The following NBPF3 variants were observed in gnomAD, a reference collection of about 807,000 sequenced individuals.
The protein encoded by NBPF3 is NBPF family member NBPF3.
NBPF3 carries 57 observed loss-of-function variants against 78.1 expected under a neutral mutation model. That is an observed-to-expected ratio of 0.73 (90% CI 0.59 to 0.91). NBPF3 has a LOEUF of 0.91. Ranked by LOEUF, NBPF3 falls within the 40% of genes least tolerant of loss-of-function variation. The pLI is 0.00. For missense variants in NBPF3, 510 were observed against 715.3 expected, an observed-to-expected ratio of 0.71 and a Z score of 3.27; for synonymous variants, 182 against 271.7, an observed-to-expected ratio of 0.67 and a Z score of 3.25.
At chr1:21,472,774 A>G in intron 5 of NBPF3, 69 bp from the exon 6 acceptor site, 1 of 1,078,282 alleles carries the variant, frequency 9.3e-7, no homozygotes. Context: ...GTCTGTGTGC[A>G]CATTCGGCTG....
In NBPF3 at chr1:21,473,452, T is replaced by C. The variant is rs774157133; in HGVS notation, c.807T>C (p.Asn269=). The change falls in exon 7 of 15, where the codon AAT becomes AAC. Residue 269 remains asparagine, a synonymous_variant. Coordinates refer to ENST00000318249, the MANE Select transcript of NBPF3 (RefSeq NM_032264.6). ...AGGAGTGTGCCATCACTTGTTCAAA[T>C]AGCCACCACCCTTGTGAGTCCAACC... ...SLEECAITCS[N]SHHPCESNQP... 6.2e-7 allele frequency: 1 copy of C among 1,614,188 alleles called. No homozygotes were observed. Among genetic ancestry groups the C allele is most frequent in the Admixed American group, 1.7e-5 (1 of 60,026 alleles).
chr1:21,470,859 T>C, intron 4 of NBPF3, 125 bp downstream of exon 4: 1 of 586,838 alleles, frequency 1.7e-6, no homozygotes, highest in Non-Finnish European at 3.2e-6. Flanking sequence ...CATGGCAGGC[T>C]CACGACACAC....
chr1:21,477,034 A>G (rs1397662396), intron 8 of NBPF3, among the ~76,000 whole-genome samples: 1 of 152,052 alleles, frequency 6.6e-6, no homozygotes, highest in Non-Finnish European at 1.5e-5. Flanking sequence ...TTTGATCTTC[A>G]ATCACTAATA....
At chr1:21,466,336 A>C (rs1642262405) in intron 2 of NBPF3, among the ~76,000 whole-genome samples, 1 of 152,266 alleles carries the variant, frequency 6.6e-6, no homozygotes. Flanking sequence ...ATCTCAAAAC[A>C]GGAATCAGAA....
At chr1:21,472,159 C>T (rs1022398468) in intron 5 of NBPF3, among the ~76,000 whole-genome samples, 11 of 152,162 alleles carry the variant, frequency 7.2e-5, no homozygotes, top group South Asian at 4.1e-4. Flanking sequence ...TAGTAACTGT[C>T]GGTGAGTGAG....
chr1:21,437,981 C>A (rs1262163313), upstream of NBPF3, among the ~76,000 whole-genome samples: 2 of 152,066 alleles, frequency 1.3e-5, no homozygotes, highest in African/African-American at 4.8e-5. Context: ...ACCAACACCC[C>A]CGGCTAATTC....
At chr1:21,463,485 C>G (rs796742743) in intron 2 of NBPF3, among the ~76,000 whole-genome samples, 1 of 152,146 alleles carries the variant, frequency 6.6e-6, no homozygotes, top group Non-Finnish European at 1.5e-5. Context: ...CCACCGTCCT[C>G]TAAAACCCAG....
chr1:21,478,982 A>C (rs1436133869), intron 9 of NBPF3, among the ~76,000 whole-genome samples: 1 of 152,232 alleles, frequency 6.6e-6, no homozygotes, highest in Non-Finnish European at 1.5e-5. Context: ...ACAATCTCAT[A>C]AACTATCAAA....
chr1:21,471,439 T>C, intron 4 of NBPF3, 130 bp from the exon 5 acceptor site: 1 of 1,452,488 alleles, frequency 6.9e-7, no homozygotes, highest in Admixed American at 1.9e-5. Context: ...AGACATTTCT[T>C]TAAACATGTG....
chr1:21,478,295 C>T lies in NBPF3; in HGVS notation c.1144C>T (p.Leu382Phe), dbSNP rs759482867. ...SVEEQQVGLA[L>F]DIGRHWCDQV... ...AGAGGAACAGCAAGTCGGCTTGGCT[C>T]TTGACATAGGCAGTGAGTACTCCAT... Residue 382 changes from leucine to phenylalanine, a missense_variant, in exon 9 of 15, where the codon CTT (leucine) becomes TTT (phenylalanine). Physicochemically the swap from Leu to Phe is conservative, Grantham distance 22 (BLOSUM62 0). Coordinates refer to ENST00000318249, the MANE Select transcript of NBPF3 (RefSeq NM_032264.6). 1 of 1,613,896 alleles carries T rather than the reference C, an allele frequency of 6.2e-7. No individual in the cohort carries two copies. Among genetic ancestry groups the T allele is most frequent in the Admixed American group, 1.7e-5 (1 of 60,020 alleles).
At chr1:21,479,177 A>G (rs779781350) in intron 9 of NBPF3, among the ~76,000 whole-genome samples, 172 bp from the exon 10 acceptor site, 1 of 152,270 alleles carries the variant, frequency 6.6e-6, no homozygotes, top group Non-Finnish European at 1.5e-5. Context: ...GAAAGGAACC[A>G]AGTCAGTTCT....
At chr1:21,437,438 C>T, upstream of NBPF3, 1 of 1,375,748 alleles carries the variant, frequency 7.3e-7, no homozygotes, top group Non-Finnish European at 9.8e-7. Context: ...ACAGATGTAG[C>T]GCCTGCGGGA....
At position 21,483,165 on chromosome 1, in the gene NBPF3, G is replaced by A. The variant is rs1210411274; in HGVS notation, c.1681G>A (p.Ala561Thr). The change falls in exon 15 of 15, where the codon GCA (alanine) becomes ACA (threonine). Residue 561 changes from alanine (A) to threonine (T), a missense_variant. Ala to Thr is a moderately conservative substitution (Grantham distance 58). This residue lies in a region of NBPF3 where 25 missense variants were observed against 27.3 expected (regional missense o/e 0.92). Coordinates refer to ENST00000318249, the MANE Select transcript of NBPF3 (RefSeq NM_032264.6). ...CPRLNEVLME[A>T]EEPEVLQDSL... ...CAGGCTCAACGAGGTGCTGATGGAA[G>A]CAGAAGAGCCTGAAGTCTTGCAGGA... The A allele has an allele frequency of 6.2e-7, 1 of 1,610,258 alleles. No individual in the cohort carries two copies. The highest frequency in any genetic ancestry group is 1.3e-5 in the African/African-American group (1 of 74,190).
intron 11 of NBPF3, 76 bp downstream of exon 11, chr1:21,480,299 C>T (rs56286426): frequency 0.3 from 185,599 of 615,028 alleles, 43,022 homozygotes; most frequent in Middle Eastern, 0.42. Context: ...TTCCAAGTGG[C>T]CCTTATTGAC....
upstream of NBPF3, among the ~76,000 whole-genome samples, chr1:21,438,543 TAGAAC>T (rs976700756): frequency 2.0e-5 from 3 of 152,238 alleles, no homozygotes; most frequent in Non-Finnish European, 4.4e-5. Flanking sequence ...ATATAGCACT[TAGAAC>T]AGAACAGATT....
chr1:21,474,413 A>C (rs1483917375), intron 7 of NBPF3, among the ~76,000 whole-genome samples: 1 of 152,204 alleles, frequency 6.6e-6, no homozygotes, highest in African/African-American at 2.4e-5. Flanking sequence ...CATGTTGGCC[A>C]GGCTGGTCTT....
chr1:21,459,785 A>G (rs1641848811), intron 2 of NBPF3: 1 of 316,610 alleles, frequency 3.2e-6, no homozygotes, highest in South Asian at 3.3e-5. Flanking sequence ...TGACAGTGAC[A>G]TTGAAGGTGG....
chr1:21,438,369 C>T (rs1640472062), upstream of NBPF3, among the ~76,000 whole-genome samples: 1 of 152,196 alleles, frequency 6.6e-6, no homozygotes, highest in Non-Finnish European at 1.5e-5. Context: ...CCGCTTCGGC[C>T]ACCCAAAGTG....
At chr1:21,439,679 C>G (rs1181611794), upstream of NBPF3, among the ~76,000 whole-genome samples, 1 of 151,486 alleles carries the variant, frequency 6.6e-6, no homozygotes, top group African/African-American at 2.4e-5. Context: ...GGGGCTCTTT[C>G]TTTTTCGTCC....
Sources: allele counts gnomAD v4.1 joint callset (sites outside exome capture counted in the v4.1 genomes callset), GRCh38; gene constraint gnomAD v4.1.1; regional missense constraint gnomAD v4.1.1; transcripts MANE v1.5; gene names NCBI Gene and HGNC (gene_info 2026-07-23, HGNC 2026-07-21).